Variants in EXOC2 observed in about 807,000 individuals in gnomAD.
EXOC2 encodes SEC5-like 1.
Under a neutral mutation model 131.8 loss-of-function variants are expected in EXOC2, and 70 were observed. The observed-to-expected ratio is 0.53, with a 90% confidence interval of 0.44 to 0.65. The LOEUF is 0.65. Ranked by LOEUF, EXOC2 falls within the 30% of genes least tolerant of loss-of-function variation. EXOC2 has a pLI of 0.00. For missense variants in EXOC2, 923 were observed against 1,108.6 expected (o/e 0.83, Z 2.38); for synonymous variants, 411 against 398.4 (o/e 1.03, Z -0.38).
chr6:489,568 T>C (rs545426099), intron 26 of EXOC2, among the ~76,000 whole-genome samples: 2 of 152,336 alleles, frequency 1.3e-5, no homozygotes, highest in African/African-American at 2.4e-5. Context: ...GTAAGTTCTT[T>C]ACATGAAGGT....
intron 22 of EXOC2, among the ~76,000 whole-genome samples, chr6:546,375 TAGA>T (rs1372018765): frequency 2.0e-5 from 3 of 152,228 alleles, no homozygotes; most frequent in Admixed American, 6.5e-5. Flanking sequence ...AGGAACAATG[TAGA>T]AGAAGATGAT....
chr6:619,628 C>T (rs1279629961), intron 4 of EXOC2, 85 bp from the exon 5 acceptor site: 39 of 768,808 alleles, frequency 5.1e-5, no homozygotes, highest in Non-Finnish European at 4.5e-6. Context: ...CAGTATAACA[C>T]ATATGAATAC....
chr6:489,835 G>C (rs755586856), intron 26 of EXOC2, among the ~76,000 whole-genome samples: 9 of 151,720 alleles, frequency 5.9e-5, no homozygotes, highest in Non-Finnish European at 1.2e-4. Context: ...ATACGTTTTT[G>C]AGCAATATTC....
chr6:532,565 T>G lies in EXOC2; in HGVS notation c.2284A>C (p.Asn762His), dbSNP rs764541090. The change falls in exon 23 of 28, where the codon AAT becomes CAT. Residue 762 changes from asparagine (N) to histidine (H), a missense_variant. Transcript: ENST00000230449. ...LKELDQRLFE[N>H]YIELKADPIV... is the part of the protein sequence containing the mutation. ...GGATCTGCTTTCAACTCGATGTAATTTTCAAAGAGTCTTTGATCTAGTTCT... is the reference window on the plus strand; with the variant it reads ...GGATCTGCTTTCAACTCGATGTAATGTTCAAAGAGTCTTTGATCTAGTTCT... 6.2e-7 allele frequency: 1 copy of G among 1,609,394 alleles called. No homozygotes were observed. Among genetic ancestry groups the G allele is most frequent in the Non-Finnish European group, 8.5e-7 (1 of 1,178,624 alleles).
intron 1 of EXOC2, among the ~76,000 whole-genome samples, chr6:690,142 T>G (rs988308260): frequency 3.9e-5 from 6 of 152,088 alleles, no homozygotes; most frequent in African/African-American, 1.4e-4. Context: ...ATCACTTGCA[T>G]TCAGGAGTTC....
At chr6:612,826 A>C (rs1246767143) in intron 6 of EXOC2, among the ~76,000 whole-genome samples, 1 of 152,236 alleles carries the variant, frequency 6.6e-6, no homozygotes, top group African/African-American at 2.4e-5. Context: ...ACCCCAGTGT[A>C]CCATAACGAA....
chr6:502,195 T>A (rs1044501210), intron 23 of EXOC2, among the ~76,000 whole-genome samples: 1 of 152,174 alleles, frequency 6.6e-6, no homozygotes, highest in Non-Finnish European at 1.5e-5. Flanking sequence ...AAGCTGCTAT[T>A]TTCGATGCTC....
chr6:567,229 C>T (rs1244610402), intron 13 of EXOC2, among the ~76,000 whole-genome samples: 3 of 152,190 alleles, frequency 2.0e-5, no homozygotes, highest in African/African-American at 7.2e-5. Context: ...CCTCCCACTG[C>T]TCAGGACGCT....
intron 11 of EXOC2, among the ~76,000 whole-genome samples, chr6:580,958 T>C (rs1415006263): frequency 6.6e-6 from 1 of 152,112 alleles, no homozygotes; most frequent in Non-Finnish European, 1.5e-5. Context: ...AATTATGTCT[T>C]AAAATGGAAA....
At chr6:690,218 C>T (rs907199212) in intron 1 of EXOC2, among the ~76,000 whole-genome samples, 2 of 152,092 alleles carry the variant, frequency 1.3e-5, no homozygotes, top group African/African-American at 2.4e-5. Context: ...GAGCCGAACC[C>T]GGTGGCACGC....
chr6:624,912 G>A (rs539839093), intron 4 of EXOC2, among the ~76,000 whole-genome samples: 1 of 152,232 alleles, frequency 6.6e-6, no homozygotes, highest in East Asian at 1.9e-4. Flanking sequence ...AGCAACATAC[G>A]CTCTGAGTAC....
intron 3 of EXOC2, among the ~76,000 whole-genome samples, chr6:631,722 T>C (rs1761867950): frequency 6.6e-6 from 1 of 152,166 alleles, no homozygotes; most frequent in Non-Finnish European, 1.5e-5. Flanking sequence ...TAGAAAACTG[T>C]ACAACAAGTT....
intron 17 of EXOC2, among the ~76,000 whole-genome samples, chr6:559,386 A>G (rs2047100607): frequency 6.6e-6 from 1 of 152,200 alleles, no homozygotes; most frequent in South Asian, 2.1e-4. Context: ...CTAAACATTG[A>G]TTCACGTTTT....
intron 1 of EXOC2, among the ~76,000 whole-genome samples, chr6:660,726 A>T (rs1044926129): frequency 5.9e-5 from 9 of 152,164 alleles, no homozygotes; most frequent in Non-Finnish European, 1.0e-4. Context: ...CCCCGGTAAT[A>T]TGACAAAACA....
chr6:567,311 T>TC (rs1226454129), intron 13 of EXOC2, among the ~76,000 whole-genome samples: 3 of 152,088 alleles, frequency 2.0e-5, no homozygotes, highest in Non-Finnish European at 4.4e-5. Context: ...GGGGCCTGCT[T>TC]CCCCCCATCC....
At chr6:545,178 A>C (rs1006685467) in intron 22 of EXOC2, among the ~76,000 whole-genome samples, 1 of 139,326 alleles carries the variant, frequency 7.2e-6, no homozygotes, top group Admixed American at 7.2e-5. Flanking sequence ...AAAAAAAAAA[A>C]CTTCAATTAA....
intron 4 of EXOC2, among the ~76,000 whole-genome samples, chr6:627,573 G>C (rs1458716174): frequency 6.6e-6 from 1 of 152,156 alleles, no homozygotes; most frequent in Non-Finnish European, 1.5e-5. Context: ...CGATGCCAGG[G>C]ATTCCTGTCC....
At chr6:635,646 A>T (rs1762063497) in intron 2 of EXOC2, among the ~76,000 whole-genome samples, 1 of 152,222 alleles carries the variant, frequency 6.6e-6, no homozygotes, top group Non-Finnish European at 1.5e-5. Context: ...TTGCTTGGCT[A>T]GTGTAGATAT....
At chr6:614,603 TTATAAA>T (rs2127670778) in intron 6 of EXOC2, among the ~76,000 whole-genome samples, 1 of 152,334 alleles carries the variant, frequency 6.6e-6, no homozygotes, top group East Asian at 1.9e-4. Context: ...TGGGGACTAC[TTATAAA>T]TATATTATCA....
Sources: gnomAD v4.1 joint callset for allele counts (sites outside exome capture counted in the v4.1 genomes callset) on GRCh38, gnomAD v4.1.1 for gene constraint, MANE v1.5 for transcripts, NCBI Gene and HGNC (gene_info 2026-07-23, HGNC 2026-07-21) for gene names.